The following PTPRD variants were observed in gnomAD, a reference collection of about 807,000 sequenced individuals.
PTPRD encodes the protein protein tyrosine phosphatase receptor type D.
PTPRD carries 34 observed loss-of-function variants against 214.5 expected under a neutral mutation model. The ratio of observed to expected loss-of-function variants is 0.16; its 90% CI spans 0.12 to 0.21. PTPRD has a LOEUF of 0.21. PTPRD is among the 10% of genes least tolerant of loss of function. The pLI is 1.00. For missense variants in PTPRD, 2,545 were observed against 2,398.7 expected (o/e 1.06, Z -1.27); for synonymous variants, 1,128 against 845.7 (o/e 1.33, Z -5.79).
At chr9:9,979,871 T>A (rs1407642228) in intron 4 of PTPRD, among the ~76,000 whole-genome samples, 1 of 152,094 alleles carries the variant, frequency 6.6e-6, no homozygotes, top group African/African-American at 2.4e-5. Context: ...ATATCAGAGA[T>A]TGGGCACAGC....
chr9:10,573,250 C>G (rs925468368), intron 2 of PTPRD, among the ~76,000 whole-genome samples: 1 of 152,100 alleles, frequency 6.6e-6, no homozygotes, highest in Non-Finnish European at 1.5e-5. Context: ...TGTTTTTTTA[C>G]TTTATCAATA....
intron 9 of PTPRD, among the ~76,000 whole-genome samples, chr9:9,217,224 C>T (rs916072769): frequency 5.9e-5 from 9 of 152,062 alleles, no homozygotes; most frequent in Non-Finnish European, 1.3e-4. Context: ...CAAGATGTTT[C>T]TCATCTGTAA....
intron 9 of PTPRD, among the ~76,000 whole-genome samples, chr9:9,268,095 G>T (rs908624427): frequency 5.3e-5 from 8 of 150,824 alleles, no homozygotes; most frequent in Admixed American, 5.3e-4. Context: ...TGTTTTTGAT[G>T]ATATAATCTT....
At chr9:9,282,942 T>C (rs1569567050) in intron 9 of PTPRD, among the ~76,000 whole-genome samples, 1 of 151,496 alleles carries the variant, frequency 6.6e-6, no homozygotes, top group Non-Finnish European at 1.5e-5. Flanking sequence ...TACACTATTC[T>C]ATTCCAAATC....
intron 2 of PTPRD, among the ~76,000 whole-genome samples, chr9:10,426,320 TC>T (rs1487525845): frequency 6.6e-6 from 1 of 152,042 alleles, no homozygotes; most frequent in Non-Finnish European, 1.5e-5. Context: ...TACTTTTTTT[TC>T]CTTTAATTGA....
chr9:8,764,490 G>T (rs958760920), intron 11 of PTPRD, among the ~76,000 whole-genome samples: 28 of 151,898 alleles, frequency 1.8e-4, no homozygotes, highest in Non-Finnish European at 7.4e-5. Flanking sequence ...GACCATTATG[G>T]GACACTCTAA....
intron 2 of PTPRD, among the ~76,000 whole-genome samples, chr9:10,564,545 A>G (rs772271303): frequency 2.0e-5 from 3 of 152,064 alleles, no homozygotes; most frequent in Non-Finnish European, 4.4e-5. Context: ...CCAAGGGCAG[A>G]TAGCCTAAGA....
intron 2 of PTPRD, among the ~76,000 whole-genome samples, chr9:10,570,319 G>A (rs2067019016): frequency 6.6e-6 from 1 of 152,080 alleles, no homozygotes; most frequent in African/African-American, 2.4e-5. Flanking sequence ...ATTACCACCT[G>A]GCTACTGCAA....
At chr9:10,266,749 A>C (rs957665332) in intron 3 of PTPRD, among the ~76,000 whole-genome samples, 6 of 152,166 alleles carry the variant, frequency 3.9e-5, no homozygotes, top group African/African-American at 1.4e-4. Flanking sequence ...TTTTAGAAAA[A>C]AAAAATCTAT....
intron 3 of PTPRD, among the ~76,000 whole-genome samples, chr9:10,225,810 A>G (rs1051183118): frequency 6.6e-6 from 1 of 152,126 alleles, no homozygotes; most frequent in Admixed American, 6.6e-5. Flanking sequence ...ATGGTTCTCA[A>G]TGAGAATGTG....
intron 2 of PTPRD, among the ~76,000 whole-genome samples, chr9:10,511,950 G>A (rs1385827166): frequency 1.4e-5 from 1 of 73,690 alleles, no homozygotes; most frequent in Non-Finnish European, 2.7e-5. Context: ...ATATATACGT[G>A]TGTGTATATA....
chr9:8,467,217 G>T (rs34257738), intron 31 of PTPRD, among the ~76,000 whole-genome samples: 1 of 151,580 alleles, frequency 6.6e-6, no homozygotes, highest in African/African-American at 2.4e-5. Context: ...CGGTAGATTG[G>T]GCATCACTTG....
At chr9:9,550,847 T>C (rs905626816) in intron 8 of PTPRD, among the ~76,000 whole-genome samples, 2 of 151,922 alleles carry the variant, frequency 1.3e-5, no homozygotes, top group South Asian at 4.1e-4. Flanking sequence ...CATGAAAATA[T>C]GTTCAATATC....
intron 5 of PTPRD, among the ~76,000 whole-genome samples, chr9:9,931,459 G>A (rs375950828): frequency 1.3e-5 from 2 of 152,176 alleles, no homozygotes; most frequent in South Asian, 4.1e-4. Flanking sequence ...CAAAGAAAGG[G>A]GTGACAGATG....
intron 9 of PTPRD, among the ~76,000 whole-genome samples, chr9:9,316,792 G>A (rs949791090): frequency 5.9e-5 from 9 of 152,110 alleles, no homozygotes; most frequent in Non-Finnish European, 1.0e-4. Flanking sequence ...TATTGTCATC[G>A]TATGGTAAAT....
chr9:9,208,952 C>T (rs1249421103), intron 9 of PTPRD, among the ~76,000 whole-genome samples: 6 of 152,028 alleles, frequency 3.9e-5, no homozygotes, highest in Non-Finnish European at 7.4e-5. Flanking sequence ...GAACCACAGG[C>T]GCCCGCCAAT....
chr9:8,346,668 G>C (rs2073911889), intron 39 of PTPRD, among the ~76,000 whole-genome samples: 1 of 151,982 alleles, frequency 6.6e-6, no homozygotes, highest in Admixed American at 6.6e-5. Flanking sequence ...TGTAGTGTTT[G>C]TCTTCAACTA....
At chr9:10,401,948 G>T (rs1233886328) in intron 2 of PTPRD, among the ~76,000 whole-genome samples, 1 of 151,196 alleles carries the variant, frequency 6.6e-6, no homozygotes, top group Non-Finnish European at 1.5e-5. Context: ...AAGTTTAAAT[G>T]TAGAAATTGA....
At chr9:9,810,862 C>A (rs2046922523) in intron 5 of PTPRD, among the ~76,000 whole-genome samples, 1 of 151,586 alleles carries the variant, frequency 6.6e-6, no homozygotes, top group South Asian at 2.1e-4. Flanking sequence ...GTAAATCAAA[C>A]ACCATCTGGA....
Sources: allele counts gnomAD v4.1 joint callset (sites outside exome capture counted in the v4.1 genomes callset), GRCh38; gene constraint gnomAD v4.1.1; transcripts MANE v1.5; gene names NCBI Gene and HGNC (gene_info 2026-07-23, HGNC 2026-07-21).